ROBO2: variants seen among roughly 807,000 people sequenced by gnomAD.
ROBO2 encodes roundabout guidance receptor 2.
In ROBO2, 53 loss-of-function variants were observed where a neutral mutation model predicts 160.8. The ratio of observed to expected loss-of-function variants is 0.33; its 90% CI spans 0.26 to 0.41. ROBO2 has a LOEUF of 0.41. ROBO2 is among the 10% of genes least tolerant of loss of function. The pLI is 1.00. For missense variants in ROBO2, 1,577 were observed against 1,722.4 expected (o/e 0.92, Z 1.49); for synonymous variants, 664 against 611.7 (o/e 1.09, Z -1.26).
chr3:76,994,895 G>T (rs990106216), intron 2 of ROBO2, among the ~76,000 whole-genome samples: 17 of 151,602 alleles, frequency 1.1e-4, no homozygotes, highest in Admixed American at 2.0e-4. Context: ...TGTTAATATT[G>T]TTACTTTTTT....
chr3:76,964,593 C>T lies in ROBO2; in HGVS notation c.110-133421C>T, dbSNP rs555551634. ...CTCCTGACCTCAGGTGATCCACCCTCCTCAGTCTCCAATATACTCCTAATA... is the reference window on the plus strand; with the variant it reads ...CTCCTGACCTCAGGTGATCCACCCTTCTCAGTCTCCAATATACTCCTAATA... On this transcript the variant is annotated intron_variant, in intron 2 of 26. Transcript: ENST00000487694. Among the ~76,000 whole-genome samples the T allele has an allele frequency of 1.1e-4, 16 of 152,272 alleles. No homozygotes were observed. In the South Asian group the frequency reaches 3.3e-3, roughly 32 times the overall value.
At chr3:76,665,934 CATATA>C (rs1413627218) in intron 2 of ROBO2, among the ~76,000 whole-genome samples, 21 of 135,296 alleles carry the variant, frequency 1.6e-4, no homozygotes, top group East Asian at 4.1e-4. Flanking sequence ...ATGTAATATA[CATATA>C]ATATATTATA....
intron 2 of ROBO2, among the ~76,000 whole-genome samples, chr3:77,385,645 T>C (rs2074020497): frequency 6.6e-6 from 1 of 152,166 alleles, no homozygotes; most frequent in African/African-American, 2.4e-5. Context: ...ATGGAAAACT[T>C]AGCTTGAATT....
intron 2 of ROBO2, among the ~76,000 whole-genome samples, chr3:77,248,774 GCT>G (rs869241969): frequency 7.7e-5 from 6 of 78,072 alleles, no homozygotes; most frequent in Non-Finnish European, 1.7e-4. Context: ...AACATCACTT[GCT>G]CTTTTTTTTT....
intron 2 of ROBO2, among the ~76,000 whole-genome samples, chr3:77,121,617 T>G (rs1472208861): frequency 6.6e-6 from 1 of 152,114 alleles, no homozygotes; most frequent in Non-Finnish European, 1.5e-5. Context: ...AATTAATATT[T>G]TCTGCTTAAC....
At chr3:76,416,750 A>G (rs2075772849) in intron 2 of ROBO2, among the ~76,000 whole-genome samples, 1 of 152,174 alleles carries the variant, frequency 6.6e-6, no homozygotes, top group African/African-American at 2.4e-5. Flanking sequence ...TCACCTGAAG[A>G]TGCTGCTAAT....
intron 2 of ROBO2, among the ~76,000 whole-genome samples, chr3:76,150,612 C>A (rs2072159786): frequency 6.6e-6 from 1 of 152,180 alleles, no homozygotes; most frequent in Non-Finnish European, 1.5e-5. Flanking sequence ...AACACACATC[C>A]CTAGGTCACC....
At chr3:77,405,513 C>G (rs960972866) in intron 2 of ROBO2, among the ~76,000 whole-genome samples, 1 of 151,750 alleles carries the variant, frequency 6.6e-6, no homozygotes, top group Non-Finnish European at 1.5e-5. Flanking sequence ...ATGTTCTGCC[C>G]TAAATATAAC....
intron 2 of ROBO2, among the ~76,000 whole-genome samples, chr3:77,159,483 G>C (rs1266623149): frequency 2.0e-5 from 3 of 152,162 alleles, no homozygotes; most frequent in Admixed American, 2.0e-4. Flanking sequence ...CTCTTCCATA[G>C]TGGATTTCCA....
At chr3:76,798,356 T>G (rs1242394934) in intron 2 of ROBO2, among the ~76,000 whole-genome samples, 1 of 151,652 alleles carries the variant, frequency 6.6e-6, no homozygotes, top group South Asian at 2.1e-4. Context: ...ATGTTGAGCA[T>G]TTATGCAAAA....
chr3:77,518,626 T>A (rs2090274067), intron 5 of ROBO2, among the ~76,000 whole-genome samples: 1 of 151,514 alleles, frequency 6.6e-6, no homozygotes, highest in Admixed American at 6.6e-5. Flanking sequence ...AGACATCATT[T>A]CACTAGGCTC....
intron 2 of ROBO2, among the ~76,000 whole-genome samples, chr3:76,419,560 A>G (rs140296009): frequency 6.6e-6 from 1 of 152,160 alleles, no homozygotes; most frequent in East Asian, 1.9e-4. Context: ...CTACCTGTAT[A>G]TCTTTCTTTT....
intron 2 of ROBO2, among the ~76,000 whole-genome samples, chr3:77,123,554 G>T (rs34240743): frequency 0.18 from 27,849 of 151,836 alleles, 3,771 homozygotes; most frequent in African/African-American, 0.37. Flanking sequence ...TGTGTATTAA[G>T]GTGTGGCCCT....
Position 77,563,126 on chromosome 3 carries a change from A to G in ROBO2, c.1520-41A>G, listed in dbSNP as rs3732918. 5.0e-6 allele frequency: 8 copies of G among 1,598,842 alleles called. No individual in the cohort carries two copies. The East Asian group carries it at 1.8e-4, about 36-fold the overall frequency. On this transcript the variant is annotated intron_variant, in intron 10 of 25. Transcript: ENST00000461745. ...TTCTTTTAGGCAGTATTGTCAACTT[A>G]TGCAATCAGGAATGAAGTTTTTTCT... is the stretch of plus-strand genomic sequence containing the variant.
intron 6 of ROBO2, among the ~76,000 whole-genome samples, chr3:77,534,220 G>A (rs948678919): frequency 1.8e-4 from 28 of 151,902 alleles, no homozygotes; most frequent in African/African-American, 6.3e-4. Context: ...ACTCAATACA[G>A]GAAAGTGAAG....
intron 2 of ROBO2, among the ~76,000 whole-genome samples, chr3:76,916,201 C>T (rs930610384): frequency 6.6e-6 from 1 of 152,160 alleles, no homozygotes; most frequent in Admixed American, 6.5e-5. Context: ...TGCTCTTTTA[C>T]TTGACATTTG....
At chr3:76,158,448 TA>T (rs34598279) in intron 2 of ROBO2, among the ~76,000 whole-genome samples, 46,253 of 146,478 alleles carry the variant, frequency 0.32, 7,436 homozygotes, top group Non-Finnish European at 0.38. Context: ...ACTATACCCC[TA>T]AAAAAAAAAA....
chr3:76,257,706 T>C (rs1224884720), intron 2 of ROBO2, among the ~76,000 whole-genome samples: 2 of 152,066 alleles, frequency 1.3e-5, no homozygotes, highest in African/African-American at 4.8e-5. Context: ...ACAATTCCTT[T>C]CTCTCACTGC....
chr3:77,332,929 A>G (rs1259455804), intron 2 of ROBO2, among the ~76,000 whole-genome samples: 1 of 152,206 alleles, frequency 6.6e-6, no homozygotes, highest in Non-Finnish European at 1.5e-5. Context: ...TACCCAGGTA[A>G]TAGAAAACCC....
Sources: allele counts gnomAD v4.1 joint callset (sites outside exome capture counted in the v4.1 genomes callset), GRCh38; gene constraint gnomAD v4.1.1; transcripts MANE v1.5; gene names NCBI Gene and HGNC (gene_info 2026-07-23, HGNC 2026-07-21).